The following ZFHX3 variants were observed in gnomAD, a reference collection of about 807,000 sequenced individuals.
The protein encoded by ZFHX3 is zinc finger homeobox 3, also known as zinc finger homeobox protein 3.
ZFHX3 carries 42 observed loss-of-function variants against 279.1 expected under a neutral mutation model. The ratio of observed to expected loss-of-function variants is 0.15; its 90% CI spans 0.12 to 0.19. The LOEUF is 0.19. ZFHX3 is among the 10% of genes least tolerant of loss of function. The pLI, the probability that ZFHX3 is intolerant of heterozygous loss-of-function variation, is 1.00. For missense variants in ZFHX3, 4,981 were observed against 4,754.0 expected (o/e 1.05, Z -1.40); for synonymous variants, 2,293 against 1,957.8 (o/e 1.17, Z -4.52).
intron 1 of ZFHX3, among the ~76,000 whole-genome samples, chr16:73,782,763 A>C (rs1959516449): frequency 6.6e-6 from 1 of 152,196 alleles, no homozygotes. Flanking sequence ...TCCAGGTTGT[A>C]TGCTGCAAGA....
At position 73,249,824 on chromosome 16, in the gene ZFHX3, T is replaced by TCACA. The variant is rs143652574; in HGVS notation, c.-1104+7219_-1104+7222dup. ...TGGGCAAATGAATTGAACAGGCACT[T>TCACA]CACACACACACACACACACACACAC... On this transcript the variant is annotated intron_variant, in intron 5 of 17. Transcript: ENST00000641206. Among the ~76,000 whole-genome samples, 528 of 148,632 alleles carry TCACA rather than the reference T, an allele frequency of 3.6e-3. 1 individual carries two copies. The highest frequency in any genetic ancestry group is 0.017 in the East Asian group (85 of 5,090).
intron 1 of ZFHX3, among the ~76,000 whole-genome samples, chr16:73,872,056 T>A (rs2029863025): frequency 6.6e-6 from 1 of 152,196 alleles, no homozygotes; most frequent in South Asian, 2.1e-4. Context: ...AATATTCACA[T>A]TTTGAATTGT....
intron 3 of ZFHX3, among the ~76,000 whole-genome samples, chr16:73,376,568 G>A (rs2016726694): frequency 6.6e-6 from 1 of 152,182 alleles, no homozygotes; most frequent in African/African-American, 2.4e-5. Context: ...TGTTTGTTGT[G>A]TGAGCAGCCA....
Position 73,584,793 on chromosome 16 carries a change from G to A in ZFHX3, c.-1547+95387C>T, listed in dbSNP as rs76127665. On this transcript the variant is annotated intron_variant, in intron 2 of 17. Coordinates refer to the ZFHX3 transcript ENST00000641206. The stretch of plus-strand genomic sequence containing the variant: ...ACAGCAAACAAACAACCATGAGAGA[G>A]AACAGACAACCTACAGAATGGGAGA... 4.9e-3 allele frequency among the ~76,000 whole-genome samples: 752 copies of A among 152,096 alleles called. 7 individuals are homozygous for A. The highest frequency in any genetic ancestry group is 5.3e-3 in the Non-Finnish European group (360 of 68,002).
intron 2 of ZFHX3, among the ~76,000 whole-genome samples, chr16:73,521,560 C>T (rs2019608665): frequency 6.6e-6 from 1 of 152,106 alleles, no homozygotes; most frequent in Admixed American, 6.6e-5. Context: ...GTTCTGTCCC[C>T]AAGCCCCACA....
intron 1 of ZFHX3, among the ~76,000 whole-genome samples, chr16:73,864,801 A>G (rs954245415): frequency 1.4e-4 from 5 of 35,068 alleles, no homozygotes; most frequent in Admixed American, 9.7e-4. Context: ...AGGCATCCCA[A>G]TACCCAATAA....
intron 4 of ZFHX3, among the ~76,000 whole-genome samples, chr16:72,847,332 G>A (rs1449520096): frequency 2.0e-5 from 3 of 152,146 alleles, no homozygotes; most frequent in South Asian, 2.1e-4. Flanking sequence ...CTAGTGACAC[G>A]CAGACCTCTC....
At chr16:73,819,222 C>G (rs968836621) in intron 1 of ZFHX3, among the ~76,000 whole-genome samples, 11 of 151,744 alleles carry the variant, frequency 7.2e-5, no homozygotes, top group Non-Finnish European at 1.2e-4. Flanking sequence ...ACCAAGATTT[C>G]TCAGTCTCAG....
At chr16:73,088,512 A>G (rs975087684) in intron 8 of ZFHX3, among the ~76,000 whole-genome samples, 1 of 152,144 alleles carries the variant, frequency 6.6e-6, no homozygotes, top group Non-Finnish European at 1.5e-5. Context: ...AGCCTAGAAT[A>G]TAAGAAACCA....
chr16:73,071,695 A>T (rs1432240673), intron 8 of ZFHX3, among the ~76,000 whole-genome samples: 1 of 152,232 alleles, frequency 6.6e-6, no homozygotes, highest in African/African-American at 2.4e-5. Context: ...GCTCCTGGGC[A>T]GCTTTCTTGG....
intron 3 of ZFHX3, among the ~76,000 whole-genome samples, chr16:73,349,508 C>T (rs1292961968): frequency 6.6e-6 from 1 of 152,122 alleles, no homozygotes; most frequent in Non-Finnish European, 1.5e-5. Flanking sequence ...TTAATTTTCA[C>T]AATCATTTCA....
intron 1 of ZFHX3, among the ~76,000 whole-genome samples, chr16:73,718,308 G>T (rs1201444028): frequency 1.3e-5 from 2 of 152,122 alleles, no homozygotes; most frequent in East Asian, 3.9e-4. Flanking sequence ...CTACTCGGGA[G>T]GCTGAGGCAG....
intron 5 of ZFHX3, among the ~76,000 whole-genome samples, chr16:73,210,256 G>C (rs28441307): frequency 4.6e-5 from 7 of 152,118 alleles, no homozygotes; most frequent in African/African-American, 1.7e-4. Flanking sequence ...CTGCTGGATC[G>C]GGTTAGCTGT....
chr16:73,239,927 T>C (rs1276579731), intron 5 of ZFHX3, among the ~76,000 whole-genome samples: 2 of 152,146 alleles, frequency 1.3e-5, no homozygotes, highest in East Asian at 3.8e-4. Context: ...GAGAATTAGG[T>C]TCCTGCAAGC....
chr16:72,877,605 T>A (rs1246622559), intron 4 of ZFHX3, among the ~76,000 whole-genome samples: 2 of 152,162 alleles, frequency 1.3e-5, no homozygotes, highest in African/African-American at 4.8e-5. Flanking sequence ...CGTCCTCAAG[T>A]TAAAAGGACA....
At chr16:73,710,087 G>A (rs1337626538) in intron 1 of ZFHX3, among the ~76,000 whole-genome samples, 3 of 152,266 alleles carry the variant, frequency 2.0e-5, no homozygotes, top group Admixed American at 1.3e-4. Flanking sequence ...GGAGGCTGAG[G>A]CAGGAGAATT....
rs62051555 is a variant in ZFHX3, at chr16:72,796,640, C to G, written c.6042G>C (p.Gln2014His). 0.038 allele frequency: 61,082 copies of G among 1,613,964 alleles called. 1,464 individuals carry two copies. Among genetic ancestry groups the G allele is most frequent in the Non-Finnish European group, 0.045 (53,032 of 1,179,996 alleles). The change falls in exon 9 of 10, where the codon CAG (glutamine) becomes CAC (histidine). Residue 2014 changes from glutamine to histidine, a missense_variant. Gln to His is a conservative substitution (Grantham distance 24). Transcript: ENST00000268489. ...TGTACTGTTTGGCAAACCTCTCGAGCTGTTTGAAAGGAAAGTAATTCTGAT... is the reference window on the plus strand; with the variant it reads ...TGTACTGTTTGGCAAACCTCTCGAGGTGTTTGAAAGGAAAGTAATTCTGAT... ...HVHQNYFPFKQLERFAKQYRD... is the reference protein window; with the variant it reads ...HVHQNYFPFKHLERFAKQYRD...
intron 7 of ZFHX3, among the ~76,000 whole-genome samples, chr16:73,129,504 C>T (rs1009210769): frequency 1.3e-5 from 2 of 151,520 alleles, no homozygotes; most frequent in Non-Finnish European, 2.9e-5. Flanking sequence ...CTTCTATGTA[C>T]CTTAATTAGG....
intron 2 of ZFHX3, among the ~76,000 whole-genome samples, chr16:73,575,773 G>A (rs1211544349): frequency 6.6e-6 from 1 of 152,140 alleles, no homozygotes; most frequent in Non-Finnish European, 1.5e-5. Flanking sequence ...ATGCCGCGGG[G>A]CTGTTAGGTT....
Sources: allele counts gnomAD v4.1 joint callset (sites outside exome capture counted in the v4.1 genomes callset), GRCh38; gene constraint gnomAD v4.1.1; transcripts MANE v1.5; gene names NCBI Gene and HGNC (gene_info 2026-07-23, HGNC 2026-07-21).